The following DLGAP2 variants were observed in gnomAD, a reference collection of about 807,000 sequenced individuals.
DLGAP2 encodes the protein DLG associated protein 2.
Under a neutral mutation model 100.3 loss-of-function variants are expected in DLGAP2, and 26 were observed. The ratio of observed to expected loss-of-function variants is 0.26; its 90% CI spans 0.19 to 0.36. DLGAP2 has a LOEUF of 0.36. Ranked by LOEUF, DLGAP2 falls within the 10% of genes least tolerant of loss-of-function variation. The pLI, the probability that DLGAP2 is intolerant of heterozygous loss-of-function variation, is 1.00. For synonymous variants in DLGAP2, 886 were observed against 630.1 expected (o/e 1.41, Z -6.08); for missense variants, 1,858 against 1,453.2 (o/e 1.28, Z -4.53).
chr8:1,311,490 A>G (rs1800613005), intron 3 of DLGAP2, among the ~76,000 whole-genome samples: 1 of 152,172 alleles, frequency 6.6e-6, no homozygotes, highest in Non-Finnish European at 1.5e-5. Context: ...GAAAATCACA[A>G]ACCATATCCC....
At chr8:1,143,615 G>C (rs1363136906) in intron 2 of DLGAP2, among the ~76,000 whole-genome samples, 1 of 152,192 alleles carries the variant, frequency 6.6e-6, no homozygotes, top group Non-Finnish European at 1.5e-5. Context: ...GTGCAGTTCT[G>C]CAGGCGGCAT....
intron 3 of DLGAP2, among the ~76,000 whole-genome samples, chr8:1,265,157 C>A (rs78911281): frequency 5.9e-5 from 9 of 152,096 alleles, no homozygotes; most frequent in Admixed American, 1.3e-4. Flanking sequence ...AACCAAAGCC[C>A]TAGAAGTAAT....
At chr8:1,308,395 C>T (rs1800540469) in intron 3 of DLGAP2, among the ~76,000 whole-genome samples, 1 of 152,192 alleles carries the variant, frequency 6.6e-6, no homozygotes, top group African/African-American at 2.4e-5. Flanking sequence ...CAAAAACAGC[C>T]AAACCAGAAG....
chr8:1,253,407 C>T lies in DLGAP2; in HGVS notation c.74-5444C>T, dbSNP rs374277828. On this transcript the variant is annotated intron_variant, in intron 2 of 14. Coordinates refer to ENST00000637795, the MANE Select transcript of DLGAP2 (RefSeq NM_001346810.2). ...GGGCGGGTGCTGCGGAGGCCGACTCCATGCAGAAGCCAGAGATAGCATGCG... is the reference window on the plus strand; with the variant it reads ...GGGCGGGTGCTGCGGAGGCCGACTCTATGCAGAAGCCAGAGATAGCATGCG... 6.6e-5 allele frequency among the ~76,000 whole-genome samples: 10 copies of T among 152,362 alleles called. No individual in the cohort carries two copies. The East Asian group carries it at 1.4e-3, about 21-fold the overall frequency.
intron 3 of DLGAP2, among the ~76,000 whole-genome samples, chr8:1,470,720 C>T: frequency 1.4e-5 from 2 of 140,284 alleles, no homozygotes; most frequent in Admixed American, 7.4e-5. Context: ...GAAGGCATCA[C>T]CGACCACGGC....
At chr8:1,346,186 A>C (rs1268470884) in intron 3 of DLGAP2, among the ~76,000 whole-genome samples, 3 of 152,216 alleles carry the variant, frequency 2.0e-5, no homozygotes, top group Non-Finnish European at 4.4e-5. Context: ...GAGTTCCCAT[A>C]CAGAGCTGCA....
chr8:920,335 C>T (rs1023773814), intron 2 of DLGAP2, among the ~76,000 whole-genome samples: 11 of 152,238 alleles, frequency 7.2e-5, no homozygotes, highest in Admixed American at 5.9e-4. Context: ...CAGGAAGCCC[C>T]TGTTATCAGG....
At chr8:1,432,615 T>G (rs1351454659) in intron 3 of DLGAP2, among the ~76,000 whole-genome samples, 1 of 152,202 alleles carries the variant, frequency 6.6e-6, no homozygotes, top group Non-Finnish European at 1.5e-5. Context: ...CAAGGCCTTT[T>G]AAGTTAATTG....
intron 2 of DLGAP2, among the ~76,000 whole-genome samples, chr8:912,157 C>CAGT (rs1457486874): frequency 6.6e-6 from 1 of 152,128 alleles, no homozygotes; most frequent in Non-Finnish European, 1.5e-5. Context: ...AATATGGCAG[C>CAGT]AGTAATTACC....
chr8:1,134,159 A>G (rs1471398786), intron 2 of DLGAP2, among the ~76,000 whole-genome samples: 1 of 152,184 alleles, frequency 6.6e-6, no homozygotes, highest in Non-Finnish European at 1.5e-5. Context: ...TGTTCCTGCC[A>G]AGGACATGAT....
At position 1,701,346 on chromosome 8, in the gene DLGAP2, C is replaced by T. The variant is rs749442690; in HGVS notation, c.3108C>T (p.Ser1036=). The T allele has an allele frequency of 5.6e-6, 9 of 1,595,000 alleles. No individual in the cohort carries two copies. In the East Asian group the frequency reaches 1.6e-4, roughly 28 times the overall value. Residue 1036 remains serine (S), a synonymous_variant, in exon 15 of 15, where the codon TCC becomes TCT. Transcript: ENST00000637795. ...AKRAASFRQN[S]ASERADSIEI... is the part of the protein sequence containing the mutation. ...GAGCGGCGTCCTTCCGGCAGAATTC[C>T]GCCTCCGAGCGCGCGGACAGCATCG...
chr8:1,454,228 C>T (rs1313989893), intron 3 of DLGAP2, among the ~76,000 whole-genome samples: 5 of 152,170 alleles, frequency 3.3e-5, no homozygotes, highest in African/African-American at 1.2e-4. Context: ...GCAGGATGTC[C>T]CCGTAAGGTT....
At chr8:1,646,116 A>G (rs1243766086) in intron 8 of DLGAP2, among the ~76,000 whole-genome samples, 1 of 152,030 alleles carries the variant, frequency 6.6e-6, no homozygotes, top group Non-Finnish European at 1.5e-5. Context: ...ACTCTGGATG[A>G]GGTTAGCATT....
At chr8:947,045 C>T (rs1325605449) in intron 2 of DLGAP2, among the ~76,000 whole-genome samples, 1 of 152,192 alleles carries the variant, frequency 6.6e-6, no homozygotes, top group East Asian at 1.9e-4. Context: ...GCTTCAGGCT[C>T]CCAGGAAGGC....
At chr8:1,506,789 T>C (rs186484527) in intron 4 of DLGAP2, among the ~76,000 whole-genome samples, 1,644 of 152,282 alleles carry the variant, frequency 0.011, 27 homozygotes, top group Admixed American at 0.045. Flanking sequence ...AGAGTGCTGA[T>C]TGGTGCATTT....
intron 2 of DLGAP2, among the ~76,000 whole-genome samples, chr8:981,362 T>C (rs543395346): frequency 6.6e-6 from 1 of 152,216 alleles, no homozygotes; most frequent in African/African-American, 2.4e-5. Flanking sequence ...TTGTCTATTG[T>C]GCTATTGTGA....
intron 6 of DLGAP2, among the ~76,000 whole-genome samples, chr8:1,582,743 C>A (rs539764771): frequency 6.6e-6 from 1 of 152,154 alleles, no homozygotes; most frequent in Non-Finnish European, 1.5e-5. Context: ...GTGTGCACCA[C>A]CACACCCGAC....
At chr8:1,408,461 G>A (rs1186419187) in intron 3 of DLGAP2, among the ~76,000 whole-genome samples, 1 of 152,170 alleles carries the variant, frequency 6.6e-6, no homozygotes, top group Non-Finnish European at 1.5e-5. Context: ...GGGGCACCGT[G>A]TCAAGTCCTG....
At chr8:1,495,278 C>T (rs1038397558) in intron 3 of DLGAP2, among the ~76,000 whole-genome samples, 7 of 151,996 alleles carry the variant, frequency 4.6e-5, no homozygotes, top group African/African-American at 1.2e-4. Flanking sequence ...CCAGTGCCAG[C>T]GTGCCAGGGC....
Sources: allele counts gnomAD v4.1 joint callset (sites outside exome capture counted in the v4.1 genomes callset), GRCh38; gene constraint gnomAD v4.1.1; transcripts MANE v1.5; gene names NCBI Gene and HGNC (gene_info 2026-07-23, HGNC 2026-07-21).